PPP1R7: variants seen among roughly 807,000 people sequenced by gnomAD.
PPP1R7 encodes protein phosphatase 1 regulatory subunit 22.
A neutral mutation model predicts 45.2 loss-of-function variants in PPP1R7; 18 were observed. That is an observed-to-expected ratio of 0.40 (90% CI 0.28 to 0.59). The LOEUF is 0.59. PPP1R7 is among the 20% of genes least tolerant of loss of function. The pLI, the probability that PPP1R7 is intolerant of heterozygous loss-of-function variation, is 0.46. For missense variants in PPP1R7, 314 were observed against 455.8 expected (o/e 0.69, Z 2.83); for synonymous variants, 181 against 183.4 (o/e 0.99, Z 0.11).
In PPP1R7 at chr2:241,173,658, T is replaced by C. The variant is rs986097409; in HGVS notation, c.906+3791T>C. On this transcript the variant is annotated intron_variant, in intron 9 of 9. Transcript: ENST00000234038. ...TCTCTAAAACTGCTTCTGCCCTTGC[T>C]CCTCACCCCGGTTTCTCTCTGAAAA... Among the ~76,000 whole-genome samples, 10 of 152,242 alleles carry C rather than the reference T, an allele frequency of 6.6e-5. 1 individual carries two copies. The highest frequency in any genetic ancestry group is 8.8e-5 in the Non-Finnish European group (6 of 68,050).
In PPP1R7 at chr2:241,163,396, A is replaced by G; in HGVS notation, c.709A>G (p.Met237Val). Residue 237 changes from methionine (M) to valine (V), a missense_variant, in exon 7 of 10, where the codon ATG (methionine) becomes GTG (valine). By Grantham distance (21) the Met-to-Val change is conservative. Coordinates refer to ENST00000234038, the MANE Select transcript of PPP1R7 (RefSeq NM_002712.3). ...DALTNLTVLS[M>V]QSNRLTKIEG... ...GCTCACCAACCTGACAGTCCTCAGTATGCAGGTACGGAGCTTCCTGAGCCG... is the reference window on the plus strand; with the variant it reads ...GCTCACCAACCTGACAGTCCTCAGTGTGCAGGTACGGAGCTTCCTGAGCCG... The G allele has an allele frequency of 6.2e-7, 1 of 1,608,674 alleles. No individual in the cohort carries two copies. Among genetic ancestry groups the G allele is most frequent in the Non-Finnish European group, 8.5e-7 (1 of 1,175,044 alleles).
Position 241,169,825 on chromosome 2 carries a change from G to T in PPP1R7, c.864G>T (p.Lys288Asn). The change falls in exon 9 of 10, where the codon AAG becomes AAT. Residue 288 changes from lysine to asparagine, a missense_variant. This residue lies in a region of PPP1R7 where 168 missense variants were observed against 285.3 expected (regional missense o/e 0.59). Coordinates refer to ENST00000234038, the MANE Select transcript of PPP1R7 (RefSeq NM_002712.3). ...ACATTGCATCAAATAGAATCAAAAAGATTGAAAATATCAGCCATCTAACAG... is the reference window on the plus strand; with the variant it reads ...ACATTGCATCAAATAGAATCAAAAATATTGAAAATATCAGCCATCTAACAG... ...MLDIASNRIK[K>N]IENISHLTEL... The T allele has an allele frequency of 1.2e-6, 2 of 1,613,204 alleles. No individual in the cohort carries two copies. Among genetic ancestry groups the T allele is most frequent in the Non-Finnish European group, 1.7e-6 (2 of 1,179,140 alleles).
rs2068042930 is a variant in PPP1R7, at chr2:241,183,382, T to G, written c.*559T>G. On this transcript the variant is annotated 3_prime_UTR_variant, in exon 10 of 10. Coordinates refer to ENST00000234038, the MANE Select transcript of PPP1R7 (RefSeq NM_002712.3). ...CCTGTGTGCTTGTGTTCCTTAGAGC[T>G]CTCCTTCAAAGAGCGCCGGGCAGGG... The G allele has an allele frequency of 2.1e-6, 1 of 471,014 alleles. No individual in the cohort carries two copies. The highest frequency in any genetic ancestry group is 1.5e-5 in the South Asian group (1 of 64,566). 29.2% of individuals were successfully genotyped at this position (471,014 alleles called of 1,614,324 possible).
At chr2:241,149,587 T>C, upstream of PPP1R7, 4 of 1,468,176 alleles carry the variant, frequency 2.7e-6, no homozygotes, top group South Asian at 1.2e-5. Flanking sequence ...AAGCCCGCGC[T>C]AAGGGTTGCT....
At chr2:241,164,459 T>C (rs1427300911) in intron 7 of PPP1R7, among the ~76,000 whole-genome samples, 1 of 152,204 alleles carries the variant, frequency 6.6e-6, no homozygotes, top group Non-Finnish European at 1.5e-5. Flanking sequence ...TTAGCAGAAT[T>C]GGACCCTTGA....
intron 9 of PPP1R7, among the ~76,000 whole-genome samples, chr2:241,174,971 G>A (rs189928252): frequency 3.5e-4 from 54 of 152,202 alleles, no homozygotes; most frequent in South Asian, 1.2e-3. Context: ...CACCGCGCCC[G>A]GCCTATTCTA....
rs527516325 is a variant in PPP1R7, at chr2:241,183,289, T to C, written c.*466T>C. ...CAACAACCGAGGTTTTTTAGTCTTT[T>C]AACCCAGCCATTTTCAATTTTTTAA... On this transcript the variant is annotated 3_prime_UTR_variant, in exon 10 of 10. Coordinates refer to ENST00000234038, the MANE Select transcript of PPP1R7 (RefSeq NM_002712.3). 2.3e-6 allele frequency: 1 copy of C among 425,674 alleles called. No individual in the cohort carries two copies. The highest frequency in any genetic ancestry group is 2.1e-5 in the African/African-American group (1 of 48,536). The allele number at this position is 425,674 out of a possible 1,614,324, so 26.4% of individuals were successfully genotyped here. A position where few individuals can be genotyped will look rare whatever the true frequency, so the allele number is the denominator to read the frequency against.
chr2:241,149,680 G>A (rs558485706), upstream of PPP1R7: 7 of 1,548,710 alleles, frequency 4.5e-6, no homozygotes, highest in East Asian at 9.6e-5. Context: ...GGGCAGATGC[G>A]GTTTCCTCCC....
intron 7 of PPP1R7, among the ~76,000 whole-genome samples, chr2:241,164,118 T>C (rs1176388678): frequency 2.0e-5 from 3 of 152,120 alleles, no homozygotes; most frequent in African/African-American, 7.2e-5. Context: ...GGTTTCCCTA[T>C]GTTGCCCAGG....
rs545930743 is a variant in PPP1R7 at position 241,163,290 on chromosome 2, C to A, written c.603C>A (p.Ile201=). ...LELGSNRIRA[I]ENIDTLTNLE... ...CTGTTCTGTCCTTTCCACAGGCAAT[C>A]GAAAATATCGACACCTTAACCAACC... Residue 201 remains isoleucine, a synonymous_variant, in exon 7 of 10, where the codon ATC becomes ATA. Coordinates refer to ENST00000234038, the MANE Select transcript of PPP1R7 (RefSeq NM_002712.3). 19 of 1,609,086 alleles carry A rather than the reference C, an allele frequency of 1.2e-5. No homozygotes were observed. The highest frequency in any genetic ancestry group is 1.5e-5 in the Non-Finnish European group (18 of 1,175,662).
chr2:241,178,998 C>T (rs1235446994), intron 9 of PPP1R7, among the ~76,000 whole-genome samples: 1 of 151,886 alleles, frequency 6.6e-6, no homozygotes, highest in African/African-American at 2.4e-5. Flanking sequence ...TGTGAATTTT[C>T]TATAATATCA....
chr2:241,181,418 G>A (rs2068004920), intron 9 of PPP1R7, among the ~76,000 whole-genome samples: 1 of 152,020 alleles, frequency 6.6e-6, no homozygotes, highest in African/African-American at 2.4e-5. Context: ...CAGGCTCTGA[G>A]GAGGGAGTTC....
intron 9 of PPP1R7, among the ~76,000 whole-genome samples, chr2:241,175,136 G>T (rs2067888807): frequency 6.6e-6 from 1 of 152,094 alleles, no homozygotes; most frequent in African/African-American, 2.4e-5. Flanking sequence ...ATTAGTGTTT[G>T]GTTTACTTTG....
At chr2:241,158,797 C>G in intron 4 of PPP1R7, 1 of 524,862 alleles carries the variant, frequency 1.9e-6, no homozygotes. Flanking sequence ...TGACTCTGGC[C>G]TGCCTCGGTT....
chr2:241,160,265 A>T, intron 5 of PPP1R7, 67 bp from the exon 6 acceptor site: 3 of 1,303,662 alleles, frequency 2.3e-6, no homozygotes, highest in East Asian at 2.7e-5. Context: ...TTTAGTGGTT[A>T]AATTGTGAGT....
upstream of PPP1R7, chr2:241,149,728 C>G (rs984383977): frequency 5.8e-6 from 9 of 1,547,548 alleles, no homozygotes; most frequent in Non-Finnish European, 7.8e-6. Flanking sequence ...GCAGAGCTCG[C>G]CTCTTGGAGG....
chr2:241,167,098 T>C, intron 8 of PPP1R7: 1 of 1,604,062 alleles, frequency 6.2e-7, no homozygotes, highest in South Asian at 1.1e-5. Flanking sequence ...GCCCCCACCC[T>C]CCTCAGCTGC....
At chr2:241,158,270 T>C (rs1316386094) in intron 3 of PPP1R7, among the ~76,000 whole-genome samples, 1 of 152,202 alleles carries the variant, frequency 6.6e-6, no homozygotes, top group Non-Finnish European at 1.5e-5. Context: ...AGATGTCATG[T>C]ACCAATCATT....
chr2:241,152,152 G>A (rs887791272), intron 1 of PPP1R7, among the ~76,000 whole-genome samples: 3 of 152,216 alleles, frequency 2.0e-5, no homozygotes, highest in African/African-American at 7.2e-5. Flanking sequence ...TGTCATGCAC[G>A]TGCTAACTGC....
Sources: gnomAD v4.1 joint callset for allele counts (sites outside exome capture counted in the v4.1 genomes callset) on GRCh38, gnomAD v4.1.1 for gene constraint, gnomAD v4.1.1 regional missense constraint, MANE v1.5 for transcripts, NCBI Gene and HGNC (gene_info 2026-07-23, HGNC 2026-07-21) for gene names.